The following MDGA2 variants were observed in gnomAD, a reference collection of about 807,000 sequenced individuals.
The protein encoded by MDGA2 is MAM domain containing glycosylphosphatidylinositol anchor 2.
A neutral mutation model predicts 117.8 loss-of-function variants in MDGA2; 40 were observed. That is an observed-to-expected ratio of 0.34 (90% confidence interval 0.26 to 0.44). The LOEUF (loss-of-function observed/expected upper bound fraction) is 0.44, where lower values mean the gene tolerates loss of function less well. MDGA2 is among the 20% of genes least tolerant of loss of function. MDGA2 has a pLI of 1.00. For missense variants in MDGA2, 1,123 were observed against 1,250.6 expected, an observed-to-expected ratio of 0.90 and a Z score of 1.54; for synonymous variants, 452 against 439.0, an observed-to-expected ratio of 1.03 and a Z score of -0.37.
chr14:47,224,505 C>G (rs962390524), intron 2 of MDGA2, among the ~76,000 whole-genome samples: 7 of 152,088 alleles, frequency 4.6e-5, no homozygotes, highest in African/African-American at 1.4e-4. Flanking sequence ...CTAGGTTGCC[C>G]CATTTAATTA....
At chr14:47,457,990 TA>T (rs1267127145) in intron 1 of MDGA2, among the ~76,000 whole-genome samples, 1 of 141,460 alleles carries the variant, frequency 7.1e-6, no homozygotes, top group Non-Finnish European at 1.5e-5. Flanking sequence ...ATCTTTTCCA[TA>T]AGATGTCTTC....
intron 3 of MDGA2, among the ~76,000 whole-genome samples, chr14:47,169,494 T>C (rs1884031993): frequency 6.6e-6 from 1 of 151,948 alleles, no homozygotes; most frequent in African/African-American, 2.4e-5. Context: ...TGCCTTCATT[T>C]ATCTATAGAT....
intron 10 of MDGA2, among the ~76,000 whole-genome samples, chr14:46,886,298 A>C (rs541953407): frequency 6.6e-6 from 1 of 152,250 alleles, no homozygotes; most frequent in African/African-American, 2.4e-5. Context: ...TAGACTCTTC[A>C]TAAACTGGAA....
chr14:47,002,751 A>T (rs1327147714), intron 8 of MDGA2, among the ~76,000 whole-genome samples: 1 of 152,190 alleles, frequency 6.6e-6, no homozygotes, highest in Admixed American at 6.6e-5. Context: ...TAATTTATTT[A>T]TACTTGAATT....
At chr14:47,622,539 A>C (rs879835763) in intron 1 of MDGA2, among the ~76,000 whole-genome samples, 9 of 152,220 alleles carry the variant, frequency 5.9e-5, no homozygotes, top group Admixed American at 3.3e-4. Flanking sequence ...AGAATGTTTC[A>C]GGTAGAGCAG....
chr14:46,851,668 A>T (rs962640485), intron 15 of MDGA2, among the ~76,000 whole-genome samples: 2 of 151,794 alleles, frequency 1.3e-5, no homozygotes, highest in Non-Finnish European at 2.9e-5. Flanking sequence ...AGTGAAAGAG[A>T]CTCAAAGTCA....
At chr14:47,078,425 C>T (rs1890576493) in intron 6 of MDGA2, among the ~76,000 whole-genome samples, 1 of 152,032 alleles carries the variant, frequency 6.6e-6, no homozygotes, top group Non-Finnish European at 1.5e-5. Flanking sequence ...ACAGTCAAGC[C>T]GAGACAGCCT....
At chr14:47,578,277 A>G (rs1896153223) in intron 1 of MDGA2, among the ~76,000 whole-genome samples, 1 of 152,070 alleles carries the variant, frequency 6.6e-6, no homozygotes, top group African/African-American at 2.4e-5. Context: ...GGGGAAGGAG[A>G]GCATTAGGAC....
intron 1 of MDGA2, among the ~76,000 whole-genome samples, chr14:47,330,206 A>T (rs561890619): frequency 4.6e-5 from 7 of 152,064 alleles, no homozygotes; most frequent in Admixed American, 3.9e-4. Context: ...TTTAATTTAT[A>T]TCAGGTATTT....
At chr14:47,096,685 CT>C (rs1021832701) in intron 6 of MDGA2, among the ~76,000 whole-genome samples, 168 bp downstream of exon 6, 14 of 152,058 alleles carry the variant, frequency 9.2e-5, no homozygotes, top group Admixed American at 5.9e-4. Flanking sequence ...AATCTTTAAC[CT>C]GTTTAAGTTC....
chr14:47,323,169 T>G (rs1594795664), intron 1 of MDGA2, among the ~76,000 whole-genome samples: 2 of 53,408 alleles, frequency 3.7e-5, no homozygotes, highest in East Asian at 5.5e-4. Flanking sequence ...TATATATATA[T>G]ATATATATAT....
chr14:47,079,119 T>C (rs1890606311), intron 6 of MDGA2, among the ~76,000 whole-genome samples: 1 of 152,136 alleles, frequency 6.6e-6, no homozygotes, highest in Non-Finnish European at 1.5e-5. Flanking sequence ...AACAGTTACT[T>C]ACTCTTCACT....
intron 8 of MDGA2, among the ~76,000 whole-genome samples, chr14:46,971,152 T>A (rs1416955365): frequency 1.3e-5 from 2 of 152,128 alleles, no homozygotes; most frequent in Admixed American, 1.3e-4. Flanking sequence ...GAAATCATTA[T>A]GACAATTACT....
intron 1 of MDGA2, among the ~76,000 whole-genome samples, chr14:47,665,335 T>G (rs912893780): frequency 6.6e-6 from 1 of 152,244 alleles, no homozygotes; most frequent in South Asian, 2.1e-4. Context: ...CCTGGATTCA[T>G]GCATAACCTC....
At chr14:47,343,176 C>T (rs1594807876) in intron 1 of MDGA2, 1 of 1,143,994 alleles carries the variant, frequency 8.7e-7, no homozygotes, top group East Asian at 6.9e-5. Flanking sequence ...ACTTATCATT[C>T]TGGTACAGGC....
intron 1 of MDGA2, among the ~76,000 whole-genome samples, chr14:47,566,530 C>G (rs146352764): frequency 5.6e-4 from 86 of 152,306 alleles, no homozygotes; most frequent in African/African-American, 2.0e-3. Flanking sequence ...ACCCTCTGGG[C>G]TGCACACATG....
intron 9 of MDGA2, among the ~76,000 whole-genome samples, chr14:46,925,604 C>G (rs1884297854): frequency 7.1e-6 from 1 of 140,576 alleles, no homozygotes; most frequent in African/African-American, 2.7e-5. Context: ...TACACTCCAG[C>G]CTGGAAGACA....
At chr14:47,300,652 G>A (rs1325871598) in intron 2 of MDGA2, among the ~76,000 whole-genome samples, 1 of 150,626 alleles carries the variant, frequency 6.6e-6, no homozygotes, top group Admixed American at 6.6e-5. Flanking sequence ...ACCAGGCCCA[G>A]ATAATTTTTT....
chr14:46,867,401 G>A (rs563682457), intron 14 of MDGA2, among the ~76,000 whole-genome samples: 1 of 152,148 alleles, frequency 6.6e-6, no homozygotes, highest in Admixed American at 6.5e-5. Flanking sequence ...GTGGGGTGGG[G>A]GGAGAGGGGA....
Sources: allele counts gnomAD v4.1 joint callset (sites outside exome capture counted in the v4.1 genomes callset), GRCh38; gene constraint gnomAD v4.1.1; transcripts MANE v1.5; gene names NCBI Gene and HGNC (gene_info 2026-07-23, HGNC 2026-07-21).